Variants in SNRPD1 observed in about 807,000 individuals in gnomAD.
The protein encoded by SNRPD1 is small nuclear ribonucleoprotein Sm D1.
A neutral mutation model predicts 14.4 loss-of-function variants in SNRPD1; 1 was observed. That is an observed-to-expected ratio of 0.07 (90% CI 0.02 to 0.33). The LOEUF is 0.33. Among genes scored for constraint, SNRPD1 ranks in the 10% least tolerant of loss-of-function variants. The pLI is 1.00. For missense variants in SNRPD1, 52 were observed against 146.4 expected, an observed-to-expected ratio of 0.36 and a Z score of 3.33; for synonymous variants, 42 against 50.3, an observed-to-expected ratio of 0.83 and a Z score of 0.70.
chr18:21,617,915 G>C (rs576637458), intron 1 of SNRPD1, among the ~76,000 whole-genome samples: 2 of 152,120 alleles, frequency 1.3e-5, no homozygotes, highest in African/African-American at 2.4e-5. Flanking sequence ...GGAGACGGAG[G>C]TTGCAATGAG....
chr18:21,625,608 G>A (rs2039032053), intron 3 of SNRPD1, among the ~76,000 whole-genome samples: 1 of 151,344 alleles, frequency 6.6e-6, no homozygotes, highest in African/African-American at 2.4e-5. Flanking sequence ...GAACCACCGC[G>A]CCCAGCCGAA....
intron 1 of SNRPD1, among the ~76,000 whole-genome samples, 178 bp downstream of exon 1, chr18:21,612,621 C>G (rs1056020837): frequency 6.6e-6 from 1 of 152,280 alleles, no homozygotes; most frequent in African/African-American, 2.4e-5. Flanking sequence ...CTGGGTCGCT[C>G]GCGGATCCCG....
At position 21,622,598 on chromosome 18, in the gene SNRPD1, A is replaced by G. The variant is rs1229777818; in HGVS notation, c.15-127A>G. On this transcript the variant is annotated intron_variant, in intron 1 of 3. Transcript: ENST00000300413. ...CAGGAAAGCTGAAATTGTTATGCAGATTATTGATAGGAATTGATGCAGATA... is the reference window on the plus strand; with the variant it reads ...CAGGAAAGCTGAAATTGTTATGCAGGTTATTGATAGGAATTGATGCAGATA... 4 of 606,860 alleles carry G rather than the reference A, an allele frequency of 6.6e-6. No homozygotes were observed. In the East Asian group the frequency reaches 1.1e-4, roughly 17 times the overall value. 37.6% of individuals were successfully genotyped at this position (606,860 alleles called of 1,614,324 possible). A position where few individuals can be genotyped will look rare whatever the true frequency, so the allele number is the denominator to read the frequency against.
chr18:21,626,415 A>G (rs1346144042), intron 3 of SNRPD1, among the ~76,000 whole-genome samples: 1 of 149,560 alleles, frequency 6.7e-6, no homozygotes, highest in African/African-American at 2.4e-5. Context: ...AAAAAAAAAA[A>G]GGAAACTACA....
At chr18:21,627,474 C>T (rs2039049250) in intron 3 of SNRPD1, among the ~76,000 whole-genome samples, 1 of 122,786 alleles carries the variant, frequency 8.1e-6, no homozygotes, top group African/African-American at 3.1e-5. Context: ...GAGTCATGCT[C>T]TGTTGCCCAG....
At chr18:21,626,394 CAAA>C (rs774960503) in intron 3 of SNRPD1, among the ~76,000 whole-genome samples, 5 of 51,070 alleles carry the variant, frequency 9.8e-5, no homozygotes, top group African/African-American at 2.2e-4. Context: ...ACCCTGTCGC[CAAA>C]AAAAAAAAAA....
Position 21,612,381 on chromosome 18 carries a change from T to A in SNRPD1, c.-49T>A. The stretch of plus-strand genomic sequence containing the variant: ...ATACTGCAGTCGGTCAGTGTTCGGT[T>A]GAAGGATTCTGTGTGCTGTCGGACC... On this transcript the variant is annotated 5_prime_UTR_variant, in exon 1 of 4. Transcript: ENST00000300413. 2.0e-6 allele frequency: 3 copies of A among 1,501,962 alleles called. No individual in the cohort carries two copies. Among genetic ancestry groups the A allele is most frequent in the Middle Eastern group, 1.8e-4 (1 of 5,598 alleles). The allele number at this position is 1,501,962 out of a possible 1,614,324, so 93.0% of individuals were successfully genotyped here.
intron 1 of SNRPD1, among the ~76,000 whole-genome samples, chr18:21,613,096 C>T (rs1431583280): frequency 6.6e-6 from 1 of 152,196 alleles, no homozygotes; most frequent in African/African-American, 2.4e-5. Flanking sequence ...TTAGGAAAAT[C>T]TCCCAATATA....
At position 21,633,403 on chromosome 18, in the gene SNRPD1, ATC is replaced by A. The variant is rs2039100110; in HGVS notation, c.*4269_*4270del. ...AGAAAATAACTCCATAACAAGAAGA[ATC>A]TCTGTCATAATAAACCAACAGCAGA... On this transcript the variant is annotated 3_prime_UTR_variant, in exon 4 of 4. Coordinates refer to ENST00000300413, the MANE Select transcript of SNRPD1 (RefSeq NM_006938.4). 6.6e-6 allele frequency: 1 copy of A among 152,230 alleles called. No homozygotes were observed. Among genetic ancestry groups the A allele is most frequent in the African/African-American group, 2.4e-5 (1 of 41,462 alleles). 9.4% of individuals were successfully genotyped at this position (152,230 alleles called of 1,614,324 possible). A position where few individuals can be genotyped will look rare whatever the true frequency, so the allele number is the denominator to read the frequency against.
At chr18:21,617,164 A>G (rs886578210) in intron 1 of SNRPD1, among the ~76,000 whole-genome samples, 12 of 151,950 alleles carry the variant, frequency 7.9e-5, no homozygotes, top group Non-Finnish European at 1.6e-4. Flanking sequence ...TAAAAAATCA[A>G]CCATATAAGG....
chr18:21,625,607 C>T (rs183287719), intron 3 of SNRPD1, among the ~76,000 whole-genome samples: 2 of 151,430 alleles, frequency 1.3e-5, no homozygotes, highest in South Asian at 2.1e-4. Context: ...GGAACCACCG[C>T]GCCCAGCCGA....
At chr18:21,621,167 CA>C (rs147493654) in intron 1 of SNRPD1, among the ~76,000 whole-genome samples, 8 of 146,088 alleles carry the variant, frequency 5.5e-5, no homozygotes, top group Non-Finnish European at 6.0e-5. Flanking sequence ...GACTCTGTGT[CA>C]AAAAAAAAAG....
At position 21,630,127 on chromosome 18, in the gene SNRPD1, T is replaced by G. The variant is rs2039070434; in HGVS notation, c.*989T>G. The G allele has an allele frequency of 6.6e-6, 1 of 152,214 alleles. No homozygotes were observed. The highest frequency in any genetic ancestry group is 2.4e-5 in the African/African-American group (1 of 41,456). The allele number at this position is 152,214 out of a possible 1,614,324, so 9.4% of individuals were successfully genotyped here. On this transcript the variant is annotated 3_prime_UTR_variant, in exon 4 of 4. Transcript: ENST00000300413. ...TAACTTGGAGTTAATGGTCACTAGATTATCAGTTATGAGCAGTGTTAAAAT... is the reference window on the plus strand; with the variant it reads ...TAACTTGGAGTTAATGGTCACTAGAGTATCAGTTATGAGCAGTGTTAAAAT...
At chr18:21,616,386 CTCT>C (rs1420141524) in intron 1 of SNRPD1, among the ~76,000 whole-genome samples, 1 of 152,124 alleles carries the variant, frequency 6.6e-6, no homozygotes, top group Non-Finnish European at 1.5e-5. Flanking sequence ...AATAGTGTCT[CTCT>C]TCTTGTAGCT....
Position 21,622,711 on chromosome 18 carries a change from A to G in SNRPD1, c.15-14A>G. ...AAGTGTTACAGGTAAAAATGGTTTT[A>G]TTCCTATTTATAGATTTTTGATGAA... On this transcript the variant is annotated splice_polypyrimidine_tract_variant and intron_variant, in intron 1 of 3. Transcript: ENST00000300413. 1 of 1,283,212 alleles carries G rather than the reference A, an allele frequency of 7.8e-7. No homozygotes were observed. Among genetic ancestry groups the G allele is most frequent in the Non-Finnish European group, 1.1e-6 (1 of 880,946 alleles). 79.5% of individuals were successfully genotyped at this position (1,283,212 alleles called of 1,614,324 possible).
At chr18:21,620,030 C>G (rs570686157) in intron 1 of SNRPD1, among the ~76,000 whole-genome samples, 216 of 152,164 alleles carry the variant, frequency 1.4e-3, no homozygotes, top group Non-Finnish European at 2.1e-3. Flanking sequence ...TCTTGGCTCA[C>G]TGCAACCTCT....
At chr18:21,623,535 C>T (rs1034044818) in intron 2 of SNRPD1, among the ~76,000 whole-genome samples, 3 of 152,184 alleles carry the variant, frequency 2.0e-5, no homozygotes, top group African/African-American at 7.2e-5. Context: ...GTAAGCAAAA[C>T]ATTAGTGTGC....
In SNRPD1 at chr18:21,632,038, A is replaced by G. The variant is rs1237552585; in HGVS notation, c.*2900A>G. On this transcript the variant is annotated 3_prime_UTR_variant, in exon 4 of 4. Coordinates refer to ENST00000300413, the MANE Select transcript of SNRPD1 (RefSeq NM_006938.4). Reference sequence around the variant, plus strand: ...CTGCTACTGGGGAGGCTAAGGCAAGAGGATCGCTATAGCCTGGGAATTTGA... The same window carrying G: ...CTGCTACTGGGGAGGCTAAGGCAAGGGGATCGCTATAGCCTGGGAATTTGA... The G allele has an allele frequency of 6.6e-6, 1 of 152,206 alleles. No individual in the cohort carries two copies. Among genetic ancestry groups the G allele is most frequent in the Non-Finnish European group, 1.5e-5 (1 of 68,044 alleles). The allele number at this position is 152,206 out of a possible 1,614,324, so 9.4% of individuals were successfully genotyped here. A position where few individuals can be genotyped will look rare whatever the true frequency, so the allele number is the denominator to read the frequency against.
rs1478821364 is a variant in SNRPD1 at position 21,629,861 on chromosome 18, A to C, written c.*723A>C. ...CTTTACTCTTCATTCTGTGGCACCT[A>C]CCCACAGGGGAAGTAAGAAGTTTGT... On this transcript the variant is annotated 3_prime_UTR_variant, in exon 4 of 4. Coordinates refer to ENST00000300413, the MANE Select transcript of SNRPD1 (RefSeq NM_006938.4). The C allele has an allele frequency of 1.3e-5, 2 of 152,170 alleles. No individual in the cohort carries two copies. The highest frequency in any genetic ancestry group is 3.8e-4 in the East Asian group (2 of 5,204). 9.4% of individuals were successfully genotyped at this position (152,170 alleles called of 1,614,324 possible). A position where few individuals can be genotyped will look rare whatever the true frequency, so the allele number is the denominator to read the frequency against.
Sources: allele counts gnomAD v4.1 joint callset (sites outside exome capture counted in the v4.1 genomes callset), GRCh38; gene constraint gnomAD v4.1.1; transcripts MANE v1.5; gene names NCBI Gene and HGNC (gene_info 2026-07-23, HGNC 2026-07-21).